The following COL26A1 variants were observed in gnomAD, a reference collection of about 807,000 sequenced individuals.
COL26A1 encodes the protein collagen alpha-1(XXVI) chain.
COL26A1 carries 41 observed loss-of-function variants against 59.3 expected under a neutral mutation model. The observed-to-expected ratio is 0.69, with a 90% CI of 0.54 to 0.90. The LOEUF is 0.90. Ranked by LOEUF, COL26A1 falls within the 40% of genes least tolerant of loss-of-function variation. COL26A1 has a pLI of 0.00. For synonymous variants in COL26A1, 266 were observed against 256.0 expected, an observed-to-expected ratio of 1.04 and a Z score of -0.37; for missense variants, 612 against 602.3, an observed-to-expected ratio of 1.02 and a Z score of -0.17.
At chr7:101,414,968 G>A (rs1180201104) in intron 1 of COL26A1, among the ~76,000 whole-genome samples, 1 of 152,180 alleles carries the variant, frequency 6.6e-6, no homozygotes, top group Non-Finnish European at 1.5e-5. Context: ...GTAGCTATGG[G>A]CAATGAAGTT....
intron 11 of COL26A1, among the ~76,000 whole-genome samples, chr7:101,553,758 G>C (rs546601134): frequency 6.6e-6 from 1 of 152,304 alleles, no homozygotes; most frequent in African/African-American, 2.4e-5. Flanking sequence ...CGGCATGGGC[G>C]TGCTTACAAG....
intron 3 of COL26A1, among the ~76,000 whole-genome samples, chr7:101,528,284 C>T (rs978002730): frequency 2.6e-5 from 4 of 152,190 alleles, no homozygotes; most frequent in Non-Finnish European, 4.4e-5. Context: ...CGCTGAACTT[C>T]CACCATGCAG....
chr7:101,489,661 C>CTTTCTGTCTTTCTTTCTTTCTGTCT (rs1478883116), intron 3 of COL26A1, among the ~76,000 whole-genome samples: 1 of 46,634 alleles, frequency 2.1e-5, no homozygotes, highest in Admixed American at 1.8e-4. Context: ...TTCTTTCTTT[C>CTTTCTGTCTTTCTTTCTTTCTGTCT]TTCCTTCCTT....
chr7:101,382,127 C>T (rs1416172326), intron 1 of COL26A1, among the ~76,000 whole-genome samples: 1 of 152,112 alleles, frequency 6.6e-6, no homozygotes, highest in Non-Finnish European at 1.5e-5. Context: ...TGGCTTACTG[C>T]AGTTTCATAC....
At chr7:101,481,490 C>T (rs934403576) in intron 3 of COL26A1, among the ~76,000 whole-genome samples, 9 of 151,036 alleles carry the variant, frequency 6.0e-5, no homozygotes, top group Non-Finnish European at 1.3e-4. Flanking sequence ...GACTCACTGT[C>T]ACCCCGGCTG....
At chr7:101,495,179 C>T (rs1391303498) in intron 3 of COL26A1, among the ~76,000 whole-genome samples, 3 of 152,196 alleles carry the variant, frequency 2.0e-5, no homozygotes, top group Admixed American at 2.0e-4. Flanking sequence ...AGCCATCAGT[C>T]CCAGCTGGAA....
rs1409478514 is a variant in COL26A1, at chr7:101,547,256, C to T, written c.940+17C>T. The T allele has an allele frequency of 6.5e-7, 1 of 1,549,022 alleles. No individual in the cohort carries two copies. Among genetic ancestry groups the T allele is most frequent in the Admixed American group, 1.9e-5 (1 of 52,840 alleles). ...GTCCACCAGGTAAGTGAATGGTGGG[C>T]TGGCCTGCATTGAGGACTCCATCCC... On this transcript the variant is annotated intron_variant, in intron 8 of 12. Coordinates refer to ENST00000313669, the MANE Select transcript of COL26A1 (RefSeq NM_001278563.3).
In COL26A1 at chr7:101,545,502, C is replaced by T. The variant is rs771490388; in HGVS notation, c.856+12C>T. On this transcript the variant is annotated intron_variant, in intron 7 of 12. Coordinates refer to ENST00000313669, the MANE Select transcript of COL26A1 (RefSeq NM_001278563.3). The stretch of plus-strand genomic sequence containing the variant: ...TACAGACAAAGACAGTGAGTAATGC[C>T]CCTGGGGGGCCAAGGGAGGGCTGAG... 2 of 1,593,516 alleles carry T rather than the reference C, an allele frequency of 1.3e-6. No homozygotes were observed. Among genetic ancestry groups the T allele is most frequent in the African/African-American group, 1.4e-5 (1 of 73,282 alleles).
intron 2 of COL26A1, among the ~76,000 whole-genome samples, chr7:101,423,221 G>A (rs1021449778): frequency 2.7e-4 from 41 of 152,196 alleles, no homozygotes; most frequent in African/African-American, 7.0e-4. Context: ...AGCCAAGATC[G>A]TGCCACTGCA....
At chr7:101,537,683 C>T (rs551359098) in intron 4 of COL26A1, among the ~76,000 whole-genome samples, 4 of 152,256 alleles carry the variant, frequency 2.6e-5, no homozygotes, top group South Asian at 2.1e-4. Flanking sequence ...TACTGGCTGG[C>T]AGGTCACTTC....
chr7:101,446,763 C>T (rs761307173), intron 2 of COL26A1, among the ~76,000 whole-genome samples: 3 of 151,784 alleles, frequency 2.0e-5, no homozygotes, highest in Non-Finnish European at 2.9e-5. Context: ...AGGAGAATCG[C>T]TTGAACCTGG....
rs572072016 is a variant in COL26A1, at chr7:101,489,541, C to T, written c.385+41754C>T. Reference sequence around the variant, plus strand: ...GAACTCCTGGGCTCAAGAGATCCTCCTTCCTCAGCCTCCTAAGTAGCTGGA... The same window carrying T: ...GAACTCCTGGGCTCAAGAGATCCTCTTTCCTCAGCCTCCTAAGTAGCTGGA... On this transcript the variant is annotated intron_variant, in intron 3 of 12. Transcript: ENST00000313669. 4.6e-5 allele frequency among the ~76,000 whole-genome samples: 7 copies of T among 152,226 alleles called. No individual in the cohort carries two copies. In the South Asian group the frequency reaches 1.5e-3, roughly 32 times the overall value.
At chr7:101,457,739 A>G (rs1280521401) in intron 3 of COL26A1, among the ~76,000 whole-genome samples, 2 of 152,200 alleles carry the variant, frequency 1.3e-5, no homozygotes, top group East Asian at 1.9e-4. Flanking sequence ...ATGGAACCAT[A>G]CAGCATATAA....
intron 3 of COL26A1, among the ~76,000 whole-genome samples, chr7:101,480,704 T>C (rs780858828): frequency 1.3e-5 from 2 of 152,172 alleles, no homozygotes; most frequent in African/African-American, 2.4e-5. Context: ...AGTTTTACCA[T>C]GTAGCCCAGG....
chr7:101,419,196 A>T (rs369101436), intron 1 of COL26A1, among the ~76,000 whole-genome samples: 5 of 148,088 alleles, frequency 3.4e-5, no homozygotes, highest in African/African-American at 1.0e-4. Context: ...AGCCACTATG[A>T]TCCTGGGCTC....
intron 2 of COL26A1, among the ~76,000 whole-genome samples, chr7:101,433,579 T>C (rs1325811619): frequency 1.3e-5 from 2 of 152,036 alleles, no homozygotes; most frequent in African/African-American, 4.8e-5. Flanking sequence ...TTGGGGTCAC[T>C]GGAGACCCTG....
chr7:101,370,420 G>T (rs537989757), intron 1 of COL26A1, among the ~76,000 whole-genome samples: 146 of 152,112 alleles, frequency 9.6e-4, no homozygotes, highest in Non-Finnish European at 2.0e-3. Flanking sequence ...GCCCAGGCTG[G>T]AGTGCAGTGG....
rs79187576 is a variant in COL26A1, at chr7:101,520,662, A to C, written c.386-12420A>C. Among the ~76,000 whole-genome samples the C allele has an allele frequency of 2.8e-3, 402 of 143,348 alleles. 1 individual carries two copies. Among genetic ancestry groups the C allele is most frequent in the Middle Eastern group, 3.6e-3 (1 of 274 alleles). 94.0% of individuals were successfully genotyped at this position (143,348 alleles called of 152,430 possible). On this transcript the variant is annotated intron_variant, in intron 3 of 12. Coordinates refer to ENST00000313669, the MANE Select transcript of COL26A1 (RefSeq NM_001278563.3). Reference sequence around the variant, plus strand: ...CACACACACACACACACACACACACACCCCCGTGTTCTTGCATGTTTTTGC... The same window carrying C: ...CACACACACACACACACACACACACCCCCCCGTGTTCTTGCATGTTTTTGC...
At chr7:101,481,818 C>T (rs527791583) in intron 3 of COL26A1, among the ~76,000 whole-genome samples, 69 of 152,168 alleles carry the variant, frequency 4.5e-4, no homozygotes, top group African/African-American at 1.5e-3. Context: ...TTATCTTACA[C>T]ACCATCCTGT....
Sources: gnomAD v4.1 joint callset for allele counts (sites outside exome capture counted in the v4.1 genomes callset) on GRCh38, gnomAD v4.1.1 for gene constraint, MANE v1.5 for transcripts, NCBI Gene and HGNC (gene_info 2026-07-23, HGNC 2026-07-21) for gene names.